The following LRP6 variants were observed in gnomAD, a reference collection of about 807,000 sequenced individuals.
The protein encoded by LRP6 is low-density lipoprotein receptor-related protein 6.
Under a neutral mutation model 184.1 loss-of-function variants are expected in LRP6, and 43 were observed. The ratio of observed to expected loss-of-function variants is 0.23; its 90% CI spans 0.18 to 0.30. The LOEUF (loss-of-function observed/expected upper bound fraction) is 0.30, where lower values mean the gene tolerates loss of function less well. Among genes scored for constraint, LRP6 ranks in the 10% least tolerant of loss-of-function variants. The pLI, the probability that LRP6 is intolerant of heterozygous loss-of-function variation, is 1.00. For synonymous variants in LRP6, 719 were observed against 684.9 expected, an observed-to-expected ratio of 1.05 and a Z score of -0.78; for missense variants, 1,571 against 2,005.3, an observed-to-expected ratio of 0.78 and a Z score of 4.14.
At chr12:12,252,633 T>G (rs1289630650) in intron 1 of LRP6, among the ~76,000 whole-genome samples, 1 of 152,188 alleles carries the variant, frequency 6.6e-6, no homozygotes, top group African/African-American at 2.4e-5. Flanking sequence ...TCATCAGTCA[T>G]AATTTCAGGG....
intron 3 of LRP6, among the ~76,000 whole-genome samples, chr12:12,187,710 T>C (rs1863510391): frequency 6.6e-6 from 1 of 152,206 alleles, no homozygotes; most frequent in East Asian, 1.9e-4. Flanking sequence ...AACCCCAGTC[T>C]AGCTCCAGCA....
intron 1 of LRP6, chr12:12,248,967 T>A (rs1456873851): frequency 4.0e-6 from 2 of 496,278 alleles, no homozygotes; most frequent in South Asian, 4.6e-5. Flanking sequence ...AAAATTAAAG[T>A]TCACAAGCAA....
Position 12,167,372 on chromosome 12 carries a change from G to A in LRP6, c.1546-2077C>T, listed in dbSNP as rs552664169. Among the ~76,000 whole-genome samples, 8 of 152,198 alleles carry A rather than the reference G, an allele frequency of 5.3e-5. No individual in the cohort carries two copies. The South Asian group carries it at 1.0e-3, about 20-fold the overall frequency. On this transcript the variant is annotated intron_variant, in intron 7 of 22. Transcript: ENST00000261349. ...AAAATAGGGACAGCAGTCCAGGCGCGGTGGCTCACGCCTGTAATCCCAGCA... is the reference window on the plus strand; with the variant it reads ...AAAATAGGGACAGCAGTCCAGGCGCAGTGGCTCACGCCTGTAATCCCAGCA...
chr12:12,215,350 AAT>A (rs1443185007), intron 2 of LRP6, among the ~76,000 whole-genome samples: 2 of 152,150 alleles, frequency 1.3e-5, no homozygotes, highest in East Asian at 1.9e-4. Flanking sequence ...AAATAATAAA[AAT>A]AGTCTGATAA....
At chr12:12,139,837 A>G (rs1949904799) in intron 15 of LRP6, among the ~76,000 whole-genome samples, 1 of 152,244 alleles carries the variant, frequency 6.6e-6, no homozygotes, top group Admixed American at 6.5e-5. Flanking sequence ...TGGAAGCTGG[A>G]GAATAGATAG....
At position 12,181,230 on chromosome 12, in the gene LRP6, A is replaced by G. The variant is rs2136991582; in HGVS notation, c.1186T>C (p.Phe396Leu). 1.2e-6 allele frequency: 2 copies of G among 1,614,118 alleles called. No homozygotes were observed. Among genetic ancestry groups the G allele is most frequent in the Non-Finnish European group, 8.5e-7 (1 of 1,179,986 alleles). Residue 396 changes from phenylalanine to leucine, a missense_variant, in exon 6 of 23, where the codon TTT becomes CTT. This residue lies in a region of LRP6 where 640 missense variants were observed against 851.9 expected (regional missense o/e 0.75). Coordinates refer to ENST00000261349, the MANE Select transcript of LRP6 (RefSeq NM_002336.3). ...TGGGCAATTTGAGCAGTGACCACAAACTGACTGCCAGATCCATCTATAAAT... is the reference window on the plus strand; with the variant it reads ...TGGGCAATTTGAGCAGTGACCACAAGCTGACTGCCAGATCCATCTATAAAT... ...RSFIDGSGSQ[F>L]VVTAQIAHPD...
chr12:12,222,250 T>C (rs537116855), intron 2 of LRP6, among the ~76,000 whole-genome samples: 134 of 152,268 alleles, frequency 8.8e-4, no homozygotes, highest in Non-Finnish European at 4.6e-4. Context: ...TATATATTTA[T>C]AGCGATAATC....
At chr12:12,165,356 TAAC>T in intron 7 of LRP6, 61 bp from the exon 8 acceptor site, 1 of 1,205,104 alleles carries the variant, frequency 8.3e-7, no homozygotes, top group South Asian at 1.2e-5. Context: ...CAGCTAAAAA[TAAC>T]AAATCCAACT....
At chr12:12,176,661 A>G (rs551128795) in intron 7 of LRP6, among the ~76,000 whole-genome samples, 6 of 152,286 alleles carry the variant, frequency 3.9e-5, no homozygotes, top group East Asian at 3.9e-4. Flanking sequence ...AAGCTGATCT[A>G]AAGAATTTCC....
chr12:12,189,252 C>T (rs750270103), intron 3 of LRP6, among the ~76,000 whole-genome samples: 20 of 152,162 alleles, frequency 1.3e-4, no homozygotes, highest in African/African-American at 3.9e-4. Flanking sequence ...CATCTGTCAA[C>T]GGAAGGTAAT....
chr12:12,127,332 GA>G (rs1293200812), intron 19 of LRP6, among the ~76,000 whole-genome samples: 1 of 152,180 alleles, frequency 6.6e-6, no homozygotes, highest in East Asian at 1.9e-4. Flanking sequence ...TTTATGACCA[GA>G]AGGGATAAAC....
At chr12:12,216,672 A>C (rs10082743) in intron 2 of LRP6, among the ~76,000 whole-genome samples, 1 of 150,242 alleles carries the variant, frequency 6.7e-6, no homozygotes, top group East Asian at 1.9e-4. Flanking sequence ...AAAAAAAAAG[A>C]AAAGAAAAGC....
At chr12:12,158,531 C>T (rs191996468) in intron 12 of LRP6, among the ~76,000 whole-genome samples, 3 of 152,170 alleles carry the variant, frequency 2.0e-5, no homozygotes, top group East Asian at 3.9e-4. Context: ...CGCTATATTG[C>T]CTAGGCTGGT....
Position 12,212,091 on chromosome 12 carries a change from A to G in LRP6, c.450-8691T>C, listed in dbSNP as rs546899160. ...ACAAACTACATCTCTGTACATTTCA[A>G]ATACAGTATTAGGACTGTTTACTCA... On this transcript the variant is annotated intron_variant, in intron 2 of 22. Coordinates refer to ENST00000261349, the MANE Select transcript of LRP6 (RefSeq NM_002336.3). 4.6e-5 allele frequency among the ~76,000 whole-genome samples: 7 copies of G among 152,288 alleles called. No homozygotes were observed. The South Asian group carries it at 1.2e-3, about 27-fold the overall frequency.
chr12:12,198,376 G>T lies in LRP6; in HGVS notation c.647+4827C>A, dbSNP rs145742520. On this transcript the variant is annotated intron_variant, in intron 3 of 22. Transcript: ENST00000261349. ...CTCTCAAATCATCTTTTGTCTTTCTGTATTTCTTTTTGGTCTTTAAATTTT... is the reference window on the plus strand; with the variant it reads ...CTCTCAAATCATCTTTTGTCTTTCTTTATTTCTTTTTGGTCTTTAAATTTT... Among the ~76,000 whole-genome samples the T allele has an allele frequency of 8.2e-3, 1,249 of 151,822 alleles. 9 individuals are homozygous for T. The highest frequency in any genetic ancestry group is 0.029 in the African/African-American group (1,182 of 41,430).
Position 12,267,025 on chromosome 12 carries a change from G to T in LRP6, c.-290C>A, listed in dbSNP as rs1355772596. 6.4e-6 allele frequency: 3 copies of T among 468,244 alleles called. No homozygotes were observed. The highest frequency in any genetic ancestry group is 1.1e-5 in the Non-Finnish European group (3 of 265,702). 29.0% of individuals were successfully genotyped at this position (468,244 alleles called of 1,614,324 possible). On this transcript the variant is annotated 5_prime_UTR_variant, in exon 1 of 23. Transcript: ENST00000261349. ...CAGCTCCTCATTCAGCCTCTGCCTCGCGCAGCGGCGCAGGGATACGGTCGG... is the reference window on the plus strand; with the variant it reads ...CAGCTCCTCATTCAGCCTCTGCCTCTCGCAGCGGCGCAGGGATACGGTCGG...
intron 1 of LRP6, among the ~76,000 whole-genome samples, chr12:12,253,207 T>C (rs1242726020): frequency 6.6e-6 from 1 of 152,184 alleles, no homozygotes; most frequent in Non-Finnish European, 1.5e-5. Flanking sequence ...GAGGTTGTGG[T>C]GGGCCAAGAT....
At chr12:12,156,252 AG>A (rs1301485915) in intron 12 of LRP6, among the ~76,000 whole-genome samples, 1 of 152,228 alleles carries the variant, frequency 6.6e-6, no homozygotes, top group Non-Finnish European at 1.5e-5. Flanking sequence ...TTGGACGTGA[AG>A]GGTATCCACG....
At chr12:12,211,988 AT>A (rs1864223471) in intron 2 of LRP6, among the ~76,000 whole-genome samples, 1 of 152,196 alleles carries the variant, frequency 6.6e-6, no homozygotes, top group African/African-American at 2.4e-5. Context: ...AAAATGAAAT[AT>A]TAACTGTCAG....
Sources: gnomAD v4.1 joint callset for allele counts (sites outside exome capture counted in the v4.1 genomes callset) on GRCh38, gnomAD v4.1.1 for gene constraint, gnomAD v4.1.1 regional missense constraint, MANE v1.5 for transcripts, NCBI Gene and HGNC (gene_info 2026-07-23, HGNC 2026-07-21) for gene names.